KIF26B: variants seen among roughly 807,000 people sequenced by gnomAD.
The protein encoded by KIF26B is kinesin-like protein KIF26B.
In KIF26B, 63 loss-of-function variants were observed where a neutral mutation model predicts 151.2. The ratio of observed to expected loss-of-function variants is 0.42; its 90% CI spans 0.34 to 0.51. The LOEUF is 0.51. Ranked by LOEUF, KIF26B falls within the 20% of genes least tolerant of loss-of-function variation. The probability of loss-of-function intolerance (pLI) is 0.07; values close to 1 mark genes in which losing one functional copy is unlikely to be tolerated. For missense variants in KIF26B, 2,813 were observed against 2,913.6 expected (o/e 0.97, Z 0.79); for synonymous variants, 1,357 against 1,262.1 (o/e 1.08, Z -1.59).
chr1:245,235,402 G>T (rs1042958953), intron 2 of KIF26B, among the ~76,000 whole-genome samples: 1 of 151,816 alleles, frequency 6.6e-6, no homozygotes, highest in African/African-American at 2.4e-5. Context: ...GACCAGTCTC[G>T]GCAACATAGC....
At chr1:245,680,741 T>C (rs1335989166) in intron 10 of KIF26B, among the ~76,000 whole-genome samples, 1 of 152,216 alleles carries the variant, frequency 6.6e-6, no homozygotes, top group Non-Finnish European at 1.5e-5. Flanking sequence ...AATGCATTTG[T>C]AACCCCAAAA....
rs975608385 is a variant in KIF26B at position 245,367,849 on chromosome 1, G to C, written c.999+482G>C. On this transcript the variant is annotated intron_variant, in intron 3 of 14. Coordinates refer to ENST00000407071, the MANE Select transcript of KIF26B (RefSeq NM_018012.4). The surrounding 1 kb of genome is among the most constrained non-coding windows in gnomAD (Gnocchi z 4.2). ...GATGTGAGTCACGAGAATTAAATAA[G>C]GTAGTGTTTGCATGACATGTAGGCC... Among the ~76,000 whole-genome samples, 1 of 152,212 alleles carries C rather than the reference G, an allele frequency of 6.6e-6. No individual in the cohort carries two copies. The highest frequency in any genetic ancestry group is 1.5e-5 in the Non-Finnish European group (1 of 68,032).
intron 2 of KIF26B, among the ~76,000 whole-genome samples, chr1:245,272,571 G>C (rs1355301582): frequency 1.3e-5 from 2 of 151,598 alleles, no homozygotes; most frequent in Non-Finnish European, 2.9e-5. Flanking sequence ...CTTTGGCTTA[G>C]TTTGTTTTTT....
At chr1:245,614,698 G>C (rs947499193) in intron 9 of KIF26B, 1 of 152,302 alleles carries the variant, frequency 6.6e-6, no homozygotes, top group African/African-American at 2.4e-5. Context: ...ATTAGCTTGA[G>C]GGCAGCTCTC....
intron 4 of KIF26B, among the ~76,000 whole-genome samples, chr1:245,529,919 A>G (rs1039709629): frequency 5.9e-5 from 9 of 152,198 alleles, no homozygotes; most frequent in African/African-American, 2.2e-4. Context: ...TTTGCAAACT[A>G]TCCATCTGAC....
intron 2 of KIF26B, among the ~76,000 whole-genome samples, chr1:245,364,422 C>CTTTTTT (rs763619030): frequency 1.8e-4 from 18 of 98,904 alleles, no homozygotes; most frequent in East Asian, 2.9e-4. Context: ...CTCTCTCTCT[C>CTTTTTT]TTTTTTTTTT....
chr1:245,280,597 G>GTTTTT (rs74163033), intron 2 of KIF26B, among the ~76,000 whole-genome samples: 1 of 104,500 alleles, frequency 9.6e-6, no homozygotes, highest in Non-Finnish European at 1.8e-5. Flanking sequence ...GGAAGTTTTC[G>GTTTTT]TTTTTTTTTT....
intron 4 of KIF26B, among the ~76,000 whole-genome samples, chr1:245,452,605 C>CT (rs202130801): frequency 1.3e-5 from 2 of 151,710 alleles, no homozygotes; most frequent in Non-Finnish European, 2.9e-5. Context: ...ATTTATTTTC[C>CT]TTTTTTTTAA....
chr1:245,690,900 C>T (rs138931442), intron 12 of KIF26B, among the ~76,000 whole-genome samples: 165 of 152,286 alleles, frequency 1.1e-3, no homozygotes, highest in Non-Finnish European at 2.0e-3. Context: ...ATGGCCAGGG[C>T]CAAGGGCATT....
chr1:245,365,355 C>G (rs963913734), intron 2 of KIF26B, among the ~76,000 whole-genome samples: 1 of 152,206 alleles, frequency 6.6e-6, no homozygotes, highest in Non-Finnish European at 1.5e-5. Context: ...TGTAAAGAGG[C>G]CTCTTGATTT....
chr1:245,532,774 A>C (rs1199332102), intron 4 of KIF26B, among the ~76,000 whole-genome samples: 1 of 152,116 alleles, frequency 6.6e-6, no homozygotes, highest in Non-Finnish European at 1.5e-5. Flanking sequence ...TCAGGAAAAA[A>C]AAAACCCCAG....
At position 245,156,457 on chromosome 1, in the gene KIF26B, C is replaced by T; in HGVS notation, c.239C>T (p.Ser80Leu). Residue 80 changes from serine (S) to leucine (L), a missense_variant, in exon 2 of 15, where the codon TCG becomes TTG. Coordinates refer to ENST00000407071, the MANE Select transcript of KIF26B (RefSeq NM_018012.4). ...SPGSGTSSPSSFTGSPGPASP... is the reference protein window; with the variant it reads ...SPGSGTSSPSLFTGSPGPASP... ...GGCTCGGGCACCTCGTCCCCGAGCT[C>T]GTTCACCGGCTCCCCGGGACCCGCC... The T allele has an allele frequency of 6.6e-7, 1 of 1,525,356 alleles. No homozygotes were observed. The highest frequency in any genetic ancestry group is 8.8e-7 in the Non-Finnish European group (1 of 1,140,154). 94.5% of individuals were successfully genotyped at this position (1,525,356 alleles called of 1,614,324 possible). A position where few individuals can be genotyped will look rare whatever the true frequency, so the allele number is the denominator to read the frequency against.
At position 245,310,646 on chromosome 1, in the gene KIF26B, T is replaced by G. The variant is rs1671647919; in HGVS notation, c.466-56188T>G. ...AGCTCATTCAGATGTTGCCTTCTTT[T>G]GCACTCGAAGGCTTTGCTCTCTGAA... is the stretch of plus-strand genomic sequence containing the variant. On this transcript the variant is annotated intron_variant, in intron 2 of 14. Transcript: ENST00000407071. 2.0e-5 allele frequency among the ~76,000 whole-genome samples: 3 copies of G among 152,348 alleles called. No individual in the cohort carries two copies. In the South Asian group the frequency reaches 6.2e-4, roughly 32 times the overall value.
intron 12 of KIF26B, among the ~76,000 whole-genome samples, chr1:245,694,858 A>G (rs2044670051): frequency 6.6e-6 from 1 of 152,232 alleles, no homozygotes; most frequent in Admixed American, 6.5e-5. Flanking sequence ...TGTTTTGAAC[A>G]TGCTGCACTT....
intron 2 of KIF26B, among the ~76,000 whole-genome samples, chr1:245,193,170 G>A (rs1669138828): frequency 6.6e-6 from 1 of 152,200 alleles, no homozygotes; most frequent in African/African-American, 2.4e-5. Context: ...GTGTTAGTTT[G>A]CTTAGGATGA....
At chr1:245,341,645 A>C (rs1210112412) in intron 2 of KIF26B, among the ~76,000 whole-genome samples, 1 of 152,166 alleles carries the variant, frequency 6.6e-6, no homozygotes, top group Non-Finnish European at 1.5e-5. Context: ...AGAGAAGGTG[A>C]ACTCTCTGGG....
In KIF26B at chr1:245,235,501, G is replaced by A. The variant is rs1170912379; in HGVS notation, c.465+78818G>A. Among the ~76,000 whole-genome samples the A allele has an allele frequency of 5.3e-5, 8 of 152,106 alleles. No individual in the cohort carries two copies. In the East Asian group the frequency reaches 1.5e-3, roughly 29 times the overall value. On this transcript the variant is annotated intron_variant, in intron 2 of 14. Transcript: ENST00000407071. ...CTAGCTACTCAGGAGGCAGAGGTGGGGGGATCGCTTGAGCCTAAGAGTTTG... is the reference window on the plus strand; with the variant it reads ...CTAGCTACTCAGGAGGCAGAGGTGGAGGGATCGCTTGAGCCTAAGAGTTTG...
At chr1:245,292,153 G>T (rs79844926) in intron 2 of KIF26B, among the ~76,000 whole-genome samples, 11,658 of 152,306 alleles carry the variant, frequency 0.077, 561 homozygotes, top group Middle Eastern at 0.12. Context: ...CGGGGTGTGA[G>T]GAAGAAAGCA....
chr1:245,446,734 T>C (rs1347735165), intron 4 of KIF26B, among the ~76,000 whole-genome samples: 1 of 152,176 alleles, frequency 6.6e-6, no homozygotes, highest in African/African-American at 2.4e-5. Flanking sequence ...CATCTCATGA[T>C]AGAAAAGGGT....
Sources: allele counts gnomAD v4.1 joint callset (sites outside exome capture counted in the v4.1 genomes callset), GRCh38; gene constraint gnomAD v4.1.1; non-coding constraint Gnocchi (gnomAD v3.1); transcripts MANE v1.5; gene names NCBI Gene and HGNC (gene_info 2026-07-23, HGNC 2026-07-21).